The following SLC38A9 variants were observed in gnomAD, a reference collection of about 807,000 sequenced individuals.
SLC38A9 encodes neutral amino acid transporter 9.
In SLC38A9, 48 loss-of-function variants were observed where a neutral mutation model predicts 62.3. The ratio of observed to expected loss-of-function variants is 0.77; its 90% CI spans 0.61 to 0.98. SLC38A9 has a LOEUF of 0.98. Among genes scored for constraint, SLC38A9 ranks in the 50% least tolerant of loss-of-function variants. SLC38A9 has a pLI of 0.00. For synonymous variants in SLC38A9, 204 were observed against 227.7 expected, an observed-to-expected ratio of 0.90 and a Z score of 0.94; for missense variants, 541 against 679.8, an observed-to-expected ratio of 0.80 and a Z score of 2.27.
intron 2 of SLC38A9, among the ~76,000 whole-genome samples, chr5:55,705,315 G>A (rs1757142281): frequency 6.6e-6 from 1 of 151,922 alleles, no homozygotes; most frequent in Admixed American, 6.6e-5. Flanking sequence ...GTTAATAGAA[G>A]ATAGTGGGAG....
At chr5:55,652,503 C>G in intron 10 of SLC38A9, 26 bp downstream of exon 10, 1 of 1,455,802 alleles carries the variant, frequency 6.9e-7, no homozygotes, top group Non-Finnish European at 9.3e-7. Context: ...TACACAAAGT[C>G]TCCATAATTC....
intron 12 of SLC38A9, among the ~76,000 whole-genome samples, chr5:55,645,491 T>C (rs1746178090): frequency 6.6e-6 from 1 of 152,252 alleles, no homozygotes; most frequent in Non-Finnish European, 1.5e-5. Context: ...TGTAAACAGT[T>C]TCATTGAAAC....
intron 13 of SLC38A9, chr5:55,634,974 C>CTCTTT (rs559161919): frequency 2.2e-5 from 3 of 137,894 alleles, no homozygotes; most frequent in Admixed American, 7.3e-5. Flanking sequence ...CTCTGTCTCT[C>CTCTTT]TTTTTTTTTT....
At chr5:55,628,744 C>T (rs1465838847) in intron 14 of SLC38A9, among the ~76,000 whole-genome samples, 1 of 152,100 alleles carries the variant, frequency 6.6e-6, no homozygotes, top group Non-Finnish European at 1.5e-5. Context: ...CTACTCACTA[C>T]CATGAAGAGA....
intron 12 of SLC38A9, among the ~76,000 whole-genome samples, chr5:55,638,807 G>A (rs1466346429): frequency 2.6e-5 from 4 of 152,206 alleles, no homozygotes; most frequent in South Asian, 2.1e-4. Context: ...ATTTCAAATC[G>A]TTTTAAAGAA....
intron 15 of SLC38A9, 40 bp from the exon 16 acceptor site, chr5:55,626,699 A>G (rs2149996407): frequency 1.3e-6 from 2 of 1,530,914 alleles, no homozygotes; most frequent in East Asian, 4.5e-5. Context: ...TTCATCTTGC[A>G]CTTTGCTTTT....
chr5:55,662,276 G>A (rs543096946), intron 8 of SLC38A9, among the ~76,000 whole-genome samples: 1 of 152,152 alleles, frequency 6.6e-6, no homozygotes, highest in East Asian at 1.9e-4. Context: ...TAAAAAAGTT[G>A]TATATTCATA....
intron 15 of SLC38A9, among the ~76,000 whole-genome samples, chr5:55,627,025 C>T (rs998232283): frequency 5.3e-5 from 8 of 152,016 alleles, no homozygotes; most frequent in East Asian, 1.9e-4. Context: ...TTTGAGGGAC[C>T]GTTAGCATCC....
At chr5:55,627,563 T>C (rs1470790187) in intron 15 of SLC38A9, among the ~76,000 whole-genome samples, 1 of 152,004 alleles carries the variant, frequency 6.6e-6, no homozygotes, top group Non-Finnish European at 1.5e-5. Context: ...TCCCAGGTAA[T>C]CCCAAAAAGT....
intron 9 of SLC38A9, among the ~76,000 whole-genome samples, chr5:55,655,690 C>T (rs1748289385): frequency 6.6e-6 from 1 of 152,098 alleles, no homozygotes; most frequent in Admixed American, 6.6e-5. Context: ...TCCCTAGAGC[C>T]TAGAACAGTT....
Position 55,652,624 on chromosome 5 carries a change from T to C in SLC38A9, c.857A>G (p.Asp286Gly). Residue 286 changes from aspartate to glycine, a missense_variant, in exon 10 of 16, where the codon GAT becomes GGT. Physicochemically the swap from Asp to Gly is moderately conservative, Grantham distance 94. Coordinates refer to ENST00000396865, the MANE Select transcript of SLC38A9 (RefSeq NM_173514.4). ...TGAQQFEKWW[D>G]KSRTVPFYLV... Reference sequence around the variant, plus strand: ...ATAAAAGGGGACTGTCCTGGACTTATCCCACCACTTTTCAAACTGTTGGGC... The same window carrying C: ...ATAAAAGGGGACTGTCCTGGACTTACCCCACCACTTTTCAAACTGTTGGGC... The C allele has an allele frequency of 6.2e-7, 1 of 1,613,872 alleles. No individual in the cohort carries two copies. The highest frequency in any genetic ancestry group is 8.5e-7 in the Non-Finnish European group (1 of 1,179,850).
chr5:55,650,663 G>A (rs1025622923), intron 10 of SLC38A9, among the ~76,000 whole-genome samples: 2 of 152,314 alleles, frequency 1.3e-5, no homozygotes, highest in African/African-American at 4.8e-5. Flanking sequence ...CATCTTCTGT[G>A]TGTCTATGGC....
chr5:55,661,810 G>A (rs1453215058), intron 8 of SLC38A9, among the ~76,000 whole-genome samples: 3 of 152,164 alleles, frequency 2.0e-5, no homozygotes, highest in Non-Finnish European at 2.9e-5. Flanking sequence ...GTTAGTATCC[G>A]AACTTTACAG....
chr5:55,659,784 G>A (rs1336639823), intron 8 of SLC38A9, among the ~76,000 whole-genome samples: 1 of 149,466 alleles, frequency 6.7e-6, no homozygotes, highest in African/African-American at 2.5e-5. Flanking sequence ...TATTTTTTTT[G>A]AGACAGAGTC....
In SLC38A9 at chr5:55,631,129, G is replaced by A. The variant is rs138643717; in HGVS notation, c.1430+2625C>T. ...GCCTGGGCGACAAGAGTGAAACTCC[G>A]TCTCAAAAAAACGAAAAACAAAAAA... On this transcript the variant is annotated intron_variant, in intron 14 of 15. Coordinates refer to ENST00000396865, the MANE Select transcript of SLC38A9 (RefSeq NM_173514.4). Among the ~76,000 whole-genome samples the A allele has an allele frequency of 6.6e-3, 1,008 of 151,996 alleles. 2 individuals carry two copies. Among genetic ancestry groups the A allele is most frequent in the Non-Finnish European group, 0.011 (717 of 67,960 alleles).
chr5:55,659,737 CA>C (rs927920863), intron 8 of SLC38A9, among the ~76,000 whole-genome samples: 17 of 151,506 alleles, frequency 1.1e-4, no homozygotes, highest in Non-Finnish European at 2.2e-4. Context: ...AAAGGAAACA[CA>C]AAGTGCATCT....
intron 2 of SLC38A9, among the ~76,000 whole-genome samples, chr5:55,702,008 T>C (rs182085735): frequency 5.8e-4 from 88 of 152,336 alleles, no homozygotes; most frequent in African/African-American, 1.9e-3. Flanking sequence ...ACTTAACAAG[T>C]ACAGTTTTAT....
intron 9 of SLC38A9, among the ~76,000 whole-genome samples, chr5:55,653,964 A>G (rs562753890): frequency 4.0e-4 from 61 of 152,178 alleles, no homozygotes; most frequent in African/African-American, 1.4e-3. Context: ...GCCTAAACGT[A>G]TGTTTCTTAA....
At chr5:55,659,270 TATAG>T (rs1749023156) in intron 8 of SLC38A9, among the ~76,000 whole-genome samples, 1 of 130,534 alleles carries the variant, frequency 7.7e-6, no homozygotes, top group South Asian at 2.8e-4. Flanking sequence ...AATATATACA[TATAG>T]ATACACATTT....
Sources: allele counts gnomAD v4.1 joint callset (sites outside exome capture counted in the v4.1 genomes callset), GRCh38; gene constraint gnomAD v4.1.1; transcripts MANE v1.5; gene names NCBI Gene and HGNC (gene_info 2026-07-23, HGNC 2026-07-21).